Variants in PCDH15 observed in about 807,000 individuals in gnomAD.
PCDH15 encodes protocadherin-15.
Under a neutral mutation model 178.5 loss-of-function variants are expected in PCDH15, and 129 were observed. That is an observed-to-expected ratio of 0.72 (90% CI 0.63 to 0.84). The LOEUF (loss-of-function observed/expected upper bound fraction) is 0.84, where lower values mean the gene tolerates loss of function less well. Ranked by LOEUF, PCDH15 falls within the 40% of genes least tolerant of loss-of-function variation. The pLI is 0.00. For missense variants in PCDH15, 2,230 were observed against 2,099.9 expected, an observed-to-expected ratio of 1.06 and a Z score of -1.21; for synonymous variants, 800 against 732.0, an observed-to-expected ratio of 1.09 and a Z score of -1.50.
chr10:55,028,529 A>G (rs1040496282), intron 2 of PCDH15, among the ~76,000 whole-genome samples: 6 of 152,038 alleles, frequency 3.9e-5, no homozygotes, highest in African/African-American at 1.4e-4. Context: ...GTGACTTTAT[A>G]AAACAGCTAC....
chr10:53,893,191 AT>A (rs1030147831), intron 26 of PCDH15, among the ~76,000 whole-genome samples: 6 of 152,142 alleles, frequency 3.9e-5, no homozygotes, highest in African/African-American at 1.4e-4. Flanking sequence ...GAAAAAAAAA[AT>A]CTTCACATTT....
intron 3 of PCDH15, among the ~76,000 whole-genome samples, chr10:54,848,547 C>T (rs984903222): frequency 3.9e-5 from 6 of 152,050 alleles, no homozygotes; most frequent in African/African-American, 1.4e-4. Flanking sequence ...AGAGACCCCA[C>T]CAGCAAGAAG....
chr10:55,177,273 A>G lies in PCDH15; in HGVS notation c.-155-10622T>C, dbSNP rs79213979. ...TGATGAGATAGCTCATCCCTTTATC[A>G]CCTAAAAAAGGAAGCTCAGACAGCT... On this transcript the variant is annotated intron_variant, in intron 1 of 5. Coordinates refer to the PCDH15 transcript ENST00000458638. 5.0e-4 allele frequency among the ~76,000 whole-genome samples: 76 copies of G among 152,256 alleles called. 1 individual carries two copies. The East Asian group carries it at 0.013, about 27-fold the overall frequency.
At chr10:54,139,853 TAAC>T (rs1195021055) in intron 14 of PCDH15, among the ~76,000 whole-genome samples, 1 of 151,928 alleles carries the variant, frequency 6.6e-6, no homozygotes, top group Non-Finnish European at 1.5e-5. Flanking sequence ...ATGAAAAAAA[TAAC>T]AATTTTTATA....
intron 2 of PCDH15, among the ~76,000 whole-genome samples, chr10:55,472,945 C>T (rs552200831): frequency 3.3e-4 from 51 of 152,248 alleles, no homozygotes; most frequent in Middle Eastern, 3.4e-3. Flanking sequence ...GAAAAATACT[C>T]AATGTCAGAT....
chr10:54,913,421 C>T (rs1419152615), intron 2 of PCDH15, among the ~76,000 whole-genome samples: 1 of 152,214 alleles, frequency 6.6e-6, no homozygotes, highest in East Asian at 1.9e-4. Flanking sequence ...TCTTGGGAGC[C>T]TCTGCCCAAA....
At chr10:54,022,729 CA>C (rs1459813017) in intron 19 of PCDH15, among the ~76,000 whole-genome samples, 162 bp downstream of exon 19, 2 of 152,008 alleles carry the variant, frequency 1.3e-5, no homozygotes, top group Non-Finnish European at 2.9e-5. Flanking sequence ...ACATAAAATA[CA>C]ATATGCAATA....
intron 26 of PCDH15, among the ~76,000 whole-genome samples, chr10:53,895,713 A>G (rs375320404): frequency 6.6e-6 from 1 of 152,224 alleles, no homozygotes; most frequent in South Asian, 2.1e-4. Flanking sequence ...ATTAGTTAAC[A>G]ATTTGAAAAG....
At chr10:55,368,478 G>A (rs1845419580) in intron 2 of PCDH15, among the ~76,000 whole-genome samples, 1 of 152,110 alleles carries the variant, frequency 6.6e-6, no homozygotes, top group African/African-American at 2.4e-5. Flanking sequence ...CACTCTAGGT[G>A]ATCTTAAAAT....
intron 1 of PCDH15, among the ~76,000 whole-genome samples, chr10:55,174,039 G>A (rs568239274): frequency 6.6e-6 from 1 of 152,250 alleles, no homozygotes; most frequent in South Asian, 2.1e-4. Context: ...ATAGACAAAA[G>A]TAGATCTTTG....
chr10:54,877,182 T>C (rs147740699), intron 3 of PCDH15, among the ~76,000 whole-genome samples: 5 of 152,306 alleles, frequency 3.3e-5, no homozygotes, highest in African/African-American at 1.2e-4. Context: ...AGAAGCTTTC[T>C]AGATATATGT....
chr10:54,189,918 C>CGTGTGTGT (rs1564637171), intron 11 of PCDH15, among the ~76,000 whole-genome samples: 1 of 81,968 alleles, frequency 1.2e-5, no homozygotes, highest in Admixed American at 1.5e-4. Context: ...TGTATACATG[C>CGTGTGTGT]ATGTGTATGT....
chr10:54,182,989 G>GT (rs11456326), intron 13 of PCDH15, among the ~76,000 whole-genome samples: 65,149 of 149,918 alleles, frequency 0.43, 15,630 homozygotes, highest in African/African-American at 0.62. Flanking sequence ...TTTTGTTTTT[G>GT]TTTTTTTTTG....
chr10:53,810,723 A>G (rs757779798), intron 36 of PCDH15, 59 bp from the exon 37 acceptor site: 4 of 1,418,488 alleles, frequency 2.8e-6, no homozygotes, highest in African/African-American at 1.4e-5. Flanking sequence ...AGAATCTACC[A>G]TGAGTGATCT....
intron 1 of PCDH15, among the ~76,000 whole-genome samples, chr10:55,271,124 T>C (rs1013527016): frequency 6.6e-6 from 1 of 151,972 alleles, no homozygotes; most frequent in African/African-American, 2.4e-5. Context: ...CAGACACTGG[T>C]CACTAATAGA....
chr10:55,465,719 A>G (rs1839817693), intron 2 of PCDH15, among the ~76,000 whole-genome samples: 1 of 152,152 alleles, frequency 6.6e-6, no homozygotes, highest in Admixed American at 6.5e-5. Context: ...GCTACCAGAA[A>G]CATTCCTAGA....
chr10:54,317,989 A>G (rs1349129971), intron 7 of PCDH15, among the ~76,000 whole-genome samples: 13 of 152,194 alleles, frequency 8.5e-5, no homozygotes, highest in Admixed American at 6.5e-5. Flanking sequence ...TCACATTACT[A>G]GACAGCCTAA....
In PCDH15 at chr10:54,020,192, C is replaced by G. The variant is rs766996841; in HGVS notation, c.2751G>C (p.Lys917Asn). ...ACCAGAAGTCATCTCTAGCCCTTAC[C>G]TTTACAATCACTGTGACAGTAGCAA... is the stretch of plus-strand genomic sequence containing the variant. The part of the protein sequence containing the change: ...PGIATVTVIV[K>N]DMNDYPPVFS... The change falls in exon 20 of 38, where the codon AAG (lysine) becomes AAC (asparagine). Residue 917 changes from lysine to asparagine, a missense_variant and splice_region_variant. Coordinates refer to ENST00000644397, the MANE Select transcript of PCDH15 (RefSeq NM_001384140.1). 1 of 1,613,122 alleles carries G rather than the reference C, an allele frequency of 6.2e-7. No homozygotes were observed. Among genetic ancestry groups the G allele is most frequent in the East Asian group, 2.2e-5 (1 of 44,844 alleles).
intron 2 of PCDH15, among the ~76,000 whole-genome samples, chr10:55,112,000 A>C (rs2132057059): frequency 6.6e-6 from 1 of 152,366 alleles, no homozygotes; most frequent in Non-Finnish European, 1.5e-5. Flanking sequence ...GTAAATACAC[A>C]GTAACACATT....
Sources: gnomAD v4.1 joint callset for allele counts (sites outside exome capture counted in the v4.1 genomes callset) on GRCh38, gnomAD v4.1.1 for gene constraint, MANE v1.5 for transcripts, NCBI Gene and HGNC (gene_info 2026-07-23, HGNC 2026-07-21) for gene names.